SLC5A4: variants seen among roughly 807,000 people sequenced by gnomAD.
SLC5A4 encodes solute carrier family 5 member 4.
SLC5A4 carries 55 observed loss-of-function variants against 70.3 expected under a neutral mutation model. The ratio of observed to expected loss-of-function variants is 0.78; its 90% confidence interval spans 0.63 to 0.98. The LOEUF (loss-of-function observed/expected upper bound fraction) is 0.98. SLC5A4 is among the 50% of genes least tolerant of loss of function. The probability of loss-of-function intolerance (pLI) is 0.00; values close to 1 mark genes in which losing one functional copy is unlikely to be tolerated. For synonymous variants in SLC5A4, 268 were observed against 305.7 expected (o/e 0.88, Z 1.29); for missense variants, 735 against 839.2 (o/e 0.88, Z 1.53).
chr22:32,289,973 C>G, the SLC5A4 span, among the ~76,000 whole-genome samples: 1 of 152,110 alleles, frequency 6.6e-6, no homozygotes, highest in East Asian at 1.9e-4. Flanking sequence ...TTTCTATTCT[C>G]TGGAAGAGCT....
At chr22:32,222,969 A>G (rs5998318) in intron 13 of SLC5A4, among the ~76,000 whole-genome samples, 80,914 of 151,994 alleles carry the variant, frequency 0.53, 23,947 homozygotes, top group African/African-American at 0.79. Flanking sequence ...TCTTAGGTGG[A>G]TATGCTCTAA....
the SLC5A4 span, among the ~76,000 whole-genome samples, chr22:32,312,187 T>TC: frequency 3.7e-4 from 56 of 152,134 alleles, no homozygotes; most frequent in African/African-American, 1.3e-3. Flanking sequence ...TCCCCAGTGC[T>TC]CCCTGAGACA....
At chr22:32,354,636 T>C in the SLC5A4 span, among the ~76,000 whole-genome samples, 1 of 151,568 alleles carries the variant, frequency 6.6e-6, no homozygotes, top group South Asian at 2.1e-4. Flanking sequence ...CTTGGGATAG[T>C]GCTCCAACCC....
the SLC5A4 span, among the ~76,000 whole-genome samples, chr22:32,314,654 G>A: frequency 6.6e-6 from 1 of 152,142 alleles, no homozygotes; most frequent in East Asian, 1.9e-4. Context: ...GATGGCTGCT[G>A]TATTAATCCA....
chr22:32,303,382 C>G, the SLC5A4 span, among the ~76,000 whole-genome samples: 278 of 152,308 alleles, frequency 1.8e-3, no homozygotes, highest in African/African-American at 6.4e-3. Context: ...CAGCCTTTCA[C>G]CAAAAACACA....
Position 32,254,149 on chromosome 22 carries a change from C to G in SLC5A4, c.200G>C (p.Trp67Ser), listed in dbSNP as rs767064963. 6.2e-7 allele frequency: 1 copy of G among 1,613,130 alleles called. No homozygotes were observed. Among genetic ancestry groups the G allele is most frequent in the East Asian group, 2.2e-5 (1 of 44,856 alleles). ...AAACTTCGATCCACTTACCGGCCAC[C>G]AGGCCATATCACGACCAGCGAGGAA... ...GFFLAGRDMA[W>S]WPMGASLFAS... Residue 67 changes from tryptophan (W) to serine (S), a missense_variant, in exon 2 of 15, where the codon TGG becomes TCG. Transcript: ENST00000266086.
chr22:32,349,299 A>G, the SLC5A4 span, among the ~76,000 whole-genome samples: 1 of 152,188 alleles, frequency 6.6e-6, no homozygotes, highest in African/African-American at 2.4e-5. Context: ...AAAAAATCAA[A>G]AACAGGTAAT....
rs1369812030 is a variant in SLC5A4, at chr22:32,233,001, T to C, written c.919A>G (p.Met307Val). The change falls in exon 9 of 15, where the codon ATG becomes GTG. Residue 307 changes from methionine to valine, a missense_variant. Coordinates refer to ENST00000266086, the MANE Select transcript of SLC5A4 (RefSeq NM_014227.3). ...ATGCAAGCGGCCTTCACGTGAGACA[T>C]GTCCTTGCCACACAGGCAGCGCTGC... ...IVQRCLCGKDMSHVKAACIMC... is the reference protein window; with the variant it reads ...IVQRCLCGKDVSHVKAACIMC... 6.2e-7 allele frequency: 1 copy of C among 1,613,974 alleles called. No individual in the cohort carries two copies.
chr22:32,270,215 T>C, the SLC5A4 span: 1 of 674,768 alleles, frequency 1.5e-6, no homozygotes, highest in Non-Finnish European at 2.8e-6. Flanking sequence ...GACAGCATCC[T>C]TAACATTGGA....
At chr22:32,228,979 T>C (rs1925571961) in intron 11 of SLC5A4, among the ~76,000 whole-genome samples, 1 of 152,104 alleles carries the variant, frequency 6.6e-6, no homozygotes, top group African/African-American at 2.4e-5. Context: ...TCAGAAGCAT[T>C]TGAAAGACTG....
At chr22:32,223,153 T>A (rs1200423942) in intron 13 of SLC5A4, among the ~76,000 whole-genome samples, 5 of 152,224 alleles carry the variant, frequency 3.3e-5, no homozygotes, top group Non-Finnish European at 5.9e-5. Flanking sequence ...AACAGCTGCA[T>A]AATGTTCAGT....
the SLC5A4 span, among the ~76,000 whole-genome samples, chr22:32,279,886 T>A: frequency 2.0e-5 from 3 of 148,918 alleles, no homozygotes; most frequent in African/African-American, 7.4e-5. Context: ...AGACCTAGAG[T>A]CGGTGGGGGT....
intron 9 of SLC5A4, among the ~76,000 whole-genome samples, chr22:32,232,066 G>A (rs1390334644): frequency 6.6e-6 from 1 of 152,096 alleles, no homozygotes; most frequent in African/African-American, 2.4e-5. Context: ...TTGTTTTAGA[G>A]ATGGGATCTT....
the SLC5A4 span, among the ~76,000 whole-genome samples, chr22:32,262,611 T>C: frequency 6.6e-6 from 1 of 152,174 alleles, no homozygotes; most frequent in Non-Finnish European, 1.5e-5. Flanking sequence ...TGTTGTTTCC[T>C]TCCTCTTGAC....
chr22:32,322,360 T>C, the SLC5A4 span, among the ~76,000 whole-genome samples: 5 of 151,786 alleles, frequency 3.3e-5, no homozygotes, highest in Non-Finnish European at 7.4e-5. Flanking sequence ...GAGGCTGAGG[T>C]GGGTGGATCA....
the SLC5A4 span, chr22:32,272,484 G>A: frequency 1.4e-6 from 1 of 732,574 alleles, no homozygotes; most frequent in Non-Finnish European, 2.5e-6. Context: ...CCGACCTCAT[G>A]AAGAGCATCT....
At chr22:32,310,700 C>T in the SLC5A4 span, among the ~76,000 whole-genome samples, 2 of 152,214 alleles carry the variant, frequency 1.3e-5, no homozygotes, top group African/African-American at 4.8e-5. Flanking sequence ...CCACAGCTGA[C>T]CTGTGTGACC....
chr22:32,307,131 C>A, the SLC5A4 span, among the ~76,000 whole-genome samples: 4,683 of 149,706 alleles, frequency 0.031, 75 homozygotes, highest in African/African-American at 0.046. Context: ...AGCCCATTAC[C>A]ATTTATGGTA....
At chr22:32,256,274 C>T (rs2145711701), upstream of SLC5A4, among the ~76,000 whole-genome samples, 1 of 152,212 alleles carries the variant, frequency 6.6e-6, no homozygotes, top group East Asian at 1.9e-4. Context: ...CGCCGCTGCA[C>T]TCTAGCCTGG....
Sources: allele counts gnomAD v4.1 joint callset (sites outside exome capture counted in the v4.1 genomes callset), GRCh38; gene constraint gnomAD v4.1.1; transcripts MANE v1.5; gene names NCBI Gene and HGNC (gene_info 2026-07-23, HGNC 2026-07-21).